BOD1L1: variants seen among roughly 807,000 people sequenced by gnomAD.
The protein encoded by BOD1L1 is biorientation of chromosomes in cell division 1 like 1, also known as biorientation of chromosomes in cell division protein 1-like 1.
Under a neutral mutation model 240.7 loss-of-function variants are expected in BOD1L1, and 86 were observed. The observed-to-expected ratio is 0.36, with a 90% CI of 0.30 to 0.43. The LOEUF (loss-of-function observed/expected upper bound fraction) is 0.43, where lower values mean the gene tolerates loss of function less well. Ranked by LOEUF, BOD1L1 falls within the 20% of genes least tolerant of loss-of-function variation. The pLI, the probability that BOD1L1 is intolerant of heterozygous loss-of-function variation, is 1.00. For missense variants in BOD1L1, 3,554 were observed against 3,643.5 expected (o/e 0.98, Z 0.63); for synonymous variants, 1,268 against 1,272.3 (o/e 1.00, Z 0.07).
At position 13,627,505 on chromosome 4, in the gene BOD1L1, G is replaced by T. The variant is rs983658837; in HGVS notation, c.83C>A (p.Pro28Gln). The T allele has an allele frequency of 1.5e-5, 15 of 1,015,206 alleles. No homozygotes were observed. In the African/African-American group the frequency reaches 1.7e-4, roughly 12 times the overall value. The allele number at this position is 1,015,206 out of a possible 1,614,324, so 62.9% of individuals were successfully genotyped here. The change falls in exon 1 of 26, where the codon CCG (proline) becomes CAG (glutamine). Residue 28 changes from proline (P) to glutamine (Q), a missense_variant. By Grantham distance (76) the Pro-to-Gln change is moderately conservative. This residue lies in a region of BOD1L1 where 161 missense variants were observed against 216.4 expected (regional missense o/e 0.74). Transcript: ENST00000040738. ...PPQPQPQPPP[P>Q]PPGPGAGPGA... Reference sequence around the variant, plus strand: ...GGGGCCAGCCCCGGGGCCCGGCGGCGGCGGCGGTGGCTGCGGCTGCGGCTG... The same window carrying T: ...GGGGCCAGCCCCGGGGCCCGGCGGCTGCGGCGGTGGCTGCGGCTGCGGCTG...
chr4:13,612,352 A>T (rs778118042), intron 5 of BOD1L1, among the ~76,000 whole-genome samples: 1 of 152,230 alleles, frequency 6.6e-6, no homozygotes, highest in Non-Finnish European at 1.5e-5. Flanking sequence ...CTCCTAAACT[A>T]ATAGTCCTAA....
chr4:13,579,570 G>A (rs972532831), intron 22 of BOD1L1, among the ~76,000 whole-genome samples: 2 of 152,026 alleles, frequency 1.3e-5, no homozygotes, highest in African/African-American at 4.8e-5. Flanking sequence ...AAAAATTTTA[G>A]ACCACAAAAT....
chr4:13,620,101 G>A lies in BOD1L1; in HGVS notation c.244-34C>T, dbSNP rs1180623036. The A allele has an allele frequency of 1.9e-6, 3 of 1,563,524 alleles. No homozygotes were observed. The Admixed American group carries it at 5.7e-5, about 30-fold the overall frequency. ...AAAAAAACGAAGGTAAGTCTTCAAG[G>A]TTATACAGTATCAATATTCACCTCT... On this transcript the variant is annotated intron_variant, in intron 1 of 25. Transcript: ENST00000040738.
chr4:13,581,399 G>C (rs1052297995), intron 19 of BOD1L1, among the ~76,000 whole-genome samples, 192 bp from the exon 20 acceptor site: 4 of 152,110 alleles, frequency 2.6e-5, no homozygotes, highest in African/African-American at 9.7e-5. Context: ...TCTTCAACCT[G>C]ATAAATATCA....
At chr4:13,572,620 A>G in intron 25 of BOD1L1, 1 of 1,172,238 alleles carries the variant, frequency 8.5e-7, no homozygotes, top group Non-Finnish European at 1.1e-6. Flanking sequence ...AAAATCTTAA[A>G]GGAAATTAGG....
intron 25 of BOD1L1, among the ~76,000 whole-genome samples, chr4:13,575,999 G>T (rs1038811174): frequency 1.3e-5 from 2 of 148,228 alleles, no homozygotes; most frequent in Non-Finnish European, 3.0e-5. Flanking sequence ...GCCTCCCACG[G>T]TTAAGCAATT....
chr4:13,610,837 T>A, intron 6 of BOD1L1, 97 bp downstream of exon 6: 1 of 1,034,490 alleles, frequency 9.7e-7, no homozygotes, highest in Non-Finnish European at 1.4e-6. Context: ...ATCCTGTATG[T>A]CTCTGCTTCA....
chr4:13,616,586 AG>A (rs1716611716), intron 2 of BOD1L1, among the ~76,000 whole-genome samples: 2 of 152,254 alleles, frequency 1.3e-5, no homozygotes, highest in South Asian at 2.1e-4. Flanking sequence ...TAGTGCTGGA[AG>A]ATCAAAGTGC....
intron 22 of BOD1L1, among the ~76,000 whole-genome samples, chr4:13,578,712 T>C (rs1328526424): frequency 6.6e-6 from 1 of 152,186 alleles, no homozygotes; most frequent in East Asian, 1.9e-4. Flanking sequence ...CACACCTGGC[T>C]AATATGGACT....
chr4:13,596,007 A>C (rs1714596495), intron 11 of BOD1L1, 63 bp from the exon 12 acceptor site: 139 of 1,350,392 alleles, frequency 1.0e-4, no homozygotes, highest in Non-Finnish European at 1.3e-4. Context: ...GACTAACCTC[A>C]AGTGAATTAA....
Position 13,602,306 on chromosome 4 carries a change from G to GA in BOD1L1, c.4593dup (p.Pro1532SerfsTer18). ...GTTGTGGCAGGCCCAGCCTTCACTG[G>GA]ACTTAAGGTGACATCTTTGTCCTTC... is the stretch of plus-strand genomic sequence containing the variant. On this transcript the variant is annotated frameshift_variant, in exon 10 of 26. Transcript: ENST00000040738. LOFTEE classifies it high-confidence loss of function. The GA allele has an allele frequency of 6.2e-7, 1 of 1,613,918 alleles. No individual in the cohort carries two copies. The highest frequency in any genetic ancestry group is 8.5e-7 in the Non-Finnish European group (1 of 1,179,860).
Position 13,627,533 on chromosome 4 carries a change from G to GCGGGGGAGGCGGCGGCGC in BOD1L1, c.37_54dup (p.Ala13_Pro18dup). 1 of 1,112,704 alleles carries GCGGGGGAGGCGGCGGCGC rather than the reference G, an allele frequency of 9.0e-7. No homozygotes were observed. The highest frequency in any genetic ancestry group is 1.1e-6 in the Non-Finnish European group (1 of 911,654). The allele number at this position is 1,112,704 out of a possible 1,614,324, so 68.9% of individuals were successfully genotyped here. On this transcript the variant is annotated inframe_insertion, in exon 1 of 26. Coordinates refer to ENST00000040738, the MANE Select transcript of BOD1L1 (RefSeq NM_148894.3). ...GGCGGTGGCTGCGGCTGCGGCTGCG[G>GCGGGGGAGGCGGCGGCGC]CGGGGGAGGCGGCGGCGCCGGAGGA...
intron 22 of BOD1L1, 188 bp from the exon 23 acceptor site, chr4:13,577,819 C>T (rs1577311668): frequency 4.8e-6 from 2 of 412,766 alleles, no homozygotes; most frequent in East Asian, 7.8e-5. Context: ...TTGTGAGTCA[C>T]GAAACATAAG....
At position 13,604,729 on chromosome 4, in the gene BOD1L1, G is replaced by A. The variant is rs1715543144; in HGVS notation, c.2171C>T (p.Ser724Phe). Residue 724 changes from serine (S) to phenylalanine (F), a missense_variant, in exon 10 of 26, where the codon TCC (serine) becomes TTC (phenylalanine). This residue lies in a region of BOD1L1 where 3,393 missense variants were observed against 3,427.1 expected (regional missense o/e 0.99). Coordinates refer to ENST00000040738, the MANE Select transcript of BOD1L1 (RefSeq NM_148894.3). ...TTTCTCTCTTTCAGGCTTCTCCTTG[G>A]AGGATTTCACCTCTTTCTTAAGTAG... Reference protein sequence around the residue: ...KSLLKKEVKSSKEKPEREKTP... With the variant: ...KSLLKKEVKSFKEKPEREKTP... The A allele has an allele frequency of 6.2e-7, 1 of 1,609,912 alleles. No homozygotes were observed. The highest frequency in any genetic ancestry group is 8.5e-7 in the Non-Finnish European group (1 of 1,179,074).
In BOD1L1 at chr4:13,604,191, C is replaced by T. The variant is rs1331439405; in HGVS notation, c.2709G>A (p.Leu903=). ...ACTTCAACACAAGTTTCTCTTCTAA[C>T]AAGCTCTTTGTTCGTCGTTTCTCCT... The part of the protein sequence containing the change: ...VHKEKRRTKS[L]LEEKLVLKSK... Residue 903 remains leucine (L), a synonymous_variant, in exon 10 of 26, where the codon TTG becomes TTA. Coordinates refer to ENST00000040738, the MANE Select transcript of BOD1L1 (RefSeq NM_148894.3). 6.2e-7 allele frequency: 1 copy of T among 1,613,448 alleles called. No homozygotes were observed. The highest frequency in any genetic ancestry group is 8.5e-7 in the Non-Finnish European group (1 of 1,179,776).
rs191370956 is a variant in BOD1L1, at chr4:13,591,015, G to A, written c.8149-569C>T. 2.0e-3 allele frequency among the ~76,000 whole-genome samples: 300 copies of A among 151,952 alleles called. 1 individual carries two copies. Among genetic ancestry groups the A allele is most frequent in the Non-Finnish European group, 3.5e-3 (238 of 67,958 alleles). On this transcript the variant is annotated intron_variant, in intron 13 of 25. Transcript: ENST00000040738. ...GGATGGAGAACATGCCAGCTGGCTC[G>A]GTAAGCTCCAACCCCATTTAAAGTC...
chr4:13,603,777 A>G lies in BOD1L1; in HGVS notation c.3123T>C (p.Asp1041=), dbSNP rs901652096. ...DIKKKDENKS[D]DKDGKEVDSS... The stretch of plus-strand genomic sequence containing the variant: ...TGTCAACTTCTTTACCATCCTTGTC[A>G]TCTGATTTATTTTCGTCCTTCTTTT... Residue 1041 remains aspartate, a synonymous_variant, in exon 10 of 26, where the codon GAT becomes GAC. Coordinates refer to ENST00000040738, the MANE Select transcript of BOD1L1 (RefSeq NM_148894.3). 10 of 1,613,446 alleles carry G rather than the reference A, an allele frequency of 6.2e-6. No homozygotes were observed. In the South Asian group the frequency reaches 7.7e-5, roughly 12 times the overall value.
At chr4:13,620,088 G>A (rs749785973) in intron 1 of BOD1L1, 21 bp from the exon 2 acceptor site, 2 of 1,584,134 alleles carry the variant, frequency 1.3e-6, no homozygotes, top group Admixed American at 1.8e-5. Context: ...AAAAACGAAG[G>A]TAAGTCTTCA....
chr4:13,575,588 C>T (rs927309587), intron 25 of BOD1L1, among the ~76,000 whole-genome samples: 5 of 151,566 alleles, frequency 3.3e-5, no homozygotes, highest in African/African-American at 1.2e-4. Context: ...CCCTGTGTTG[C>T]CCAGGCTGGT....
Sources: allele counts gnomAD v4.1 joint callset (sites outside exome capture counted in the v4.1 genomes callset), GRCh38; gene constraint gnomAD v4.1.1; regional missense constraint gnomAD v4.1.1; transcripts MANE v1.5; gene names NCBI Gene and HGNC (gene_info 2026-07-23, HGNC 2026-07-21).